CNTN3: variants seen among roughly 807,000 people sequenced by gnomAD.
CNTN3 encodes contactin-3.
Under a neutral mutation model 119.1 loss-of-function variants are expected in CNTN3, and 60 were observed. That is an observed-to-expected ratio of 0.50 (90% confidence interval 0.41 to 0.62). CNTN3 has a LOEUF of 0.62. Among genes scored for constraint, CNTN3 ranks in the 20% least tolerant of loss-of-function variants. The pLI is 0.00. For synonymous variants in CNTN3, 450 were observed against 438.7 expected (o/e 1.03, Z -0.32); for missense variants, 1,101 against 1,242.4 (o/e 0.89, Z 1.71).
chr3:74,476,764 G>A lies in CNTN3; in HGVS notation c.358+9692C>T, dbSNP rs544086398. 2.6e-4 allele frequency among the ~76,000 whole-genome samples: 40 copies of A among 152,074 alleles called. 1 individual carries two copies. Among genetic ancestry groups the A allele is most frequent in the East Asian group, 2.3e-3 (12 of 5,158 alleles). On this transcript the variant is annotated intron_variant, in intron 4 of 22. Transcript: ENST00000263665. ...GAAAAAGAATCAGATAGAATGTCTC[G>A]ACATGGAAAATATATTCATTAAAAT...
intron 1 of CNTN3, among the ~76,000 whole-genome samples, chr3:74,600,610 C>T (rs1007436064): frequency 2.0e-5 from 3 of 151,994 alleles, no homozygotes; most frequent in Non-Finnish European, 4.4e-5. Flanking sequence ...CAGATCCAAC[C>T]CCCCAGTGTG....
At chr3:74,290,782 C>T (rs1353722722) in intron 19 of CNTN3, among the ~76,000 whole-genome samples, 1 of 152,144 alleles carries the variant, frequency 6.6e-6, no homozygotes, top group Non-Finnish European at 1.5e-5. Flanking sequence ...AGCTCTGCCT[C>T]CCTGGTTCAT....
At chr3:74,391,379 CA>C (rs1299641502) in intron 5 of CNTN3, among the ~76,000 whole-genome samples, 1 of 152,102 alleles carries the variant, frequency 6.6e-6, no homozygotes, top group Non-Finnish European at 1.5e-5. Context: ...TTACCAATTA[CA>C]TGACCTTGAG....
chr3:74,353,809 A>C (rs1158135575), intron 11 of CNTN3, among the ~76,000 whole-genome samples: 3 of 152,116 alleles, frequency 2.0e-5, no homozygotes, highest in African/African-American at 7.3e-5. Flanking sequence ...CATAATTTAA[A>C]TACAGTATAA....
intron 1 of CNTN3, among the ~76,000 whole-genome samples, chr3:74,593,445 A>C (rs943747985): frequency 2.0e-5 from 3 of 152,020 alleles, no homozygotes; most frequent in Non-Finnish European, 4.4e-5. Flanking sequence ...AATTTCCAAA[A>C]ATATAAAAAT....
intron 13 of CNTN3, among the ~76,000 whole-genome samples, chr3:74,312,225 G>A (rs944466444): frequency 2.0e-5 from 3 of 151,944 alleles, no homozygotes; most frequent in African/African-American, 4.8e-5. Flanking sequence ...AGGCCGAGGC[G>A]GGCAGATCAC....
intron 1 of CNTN3, among the ~76,000 whole-genome samples, chr3:74,602,707 G>A (rs1433371803): frequency 6.6e-6 from 1 of 152,018 alleles, no homozygotes; most frequent in Non-Finnish European, 1.5e-5. Flanking sequence ...AAGAGAGGTA[G>A]AATACACATA....
intron 13 of CNTN3, among the ~76,000 whole-genome samples, chr3:74,311,308 G>A (rs1441740072): frequency 6.6e-6 from 1 of 151,978 alleles, no homozygotes; most frequent in Non-Finnish European, 1.5e-5. Context: ...TATTGAAAAA[G>A]ATAAAGAAGG....
At chr3:74,312,122 C>A (rs1302887491) in intron 13 of CNTN3, among the ~76,000 whole-genome samples, 1 of 152,002 alleles carries the variant, frequency 6.6e-6, no homozygotes, top group Non-Finnish European at 1.5e-5. Context: ...GGAAAACAGA[C>A]CATTTTGAGA....
rs755229623 is a variant in CNTN3 at position 74,371,225 on chromosome 3, G to C, written c.629C>G (p.Ser210Cys). 6.2e-7 allele frequency: 1 copy of C among 1,613,256 alleles called. No homozygotes were observed. The highest frequency in any genetic ancestry group is 1.1e-5 in the South Asian group (1 of 91,068). ...SMVTNARVLG[S>C]PTPLVLRSDG... ...AGAACGTAGCACCAAAGGAGTTGGA[G>C]AGCCCAGCACTCGGGCATTTGTCAC... Residue 210 changes from serine (S) to cysteine (C), a missense_variant, in exon 6 of 23, where the codon TCT (serine) becomes TGT (cysteine). Ser to Cys is a moderately radical substitution (Grantham distance 112, BLOSUM62 -1). Coordinates refer to ENST00000263665, the MANE Select transcript of CNTN3 (RefSeq NM_020872.3).
chr3:74,286,882 C>T (rs1243309364), intron 19 of CNTN3, among the ~76,000 whole-genome samples: 1 of 152,288 alleles, frequency 6.6e-6, no homozygotes, highest in East Asian at 1.9e-4. Flanking sequence ...TGAGGATGTG[C>T]ACCTGGGACA....
chr3:74,546,472 C>G lies in CNTN3; in HGVS notation c.-80-25280G>C, dbSNP rs542114596. On this transcript the variant is annotated intron_variant, in intron 1 of 22. Coordinates refer to ENST00000263665, the MANE Select transcript of CNTN3 (RefSeq NM_020872.3). ...GACTCACCCTCAATGTGGGTGGGCA[C>G]AATCTAATCAGCTGCCAGCACAGCT... Among the ~76,000 whole-genome samples the G allele has an allele frequency of 1.2e-4, 18 of 152,244 alleles. No individual in the cohort carries two copies. In the South Asian group the frequency reaches 3.5e-3, roughly 30 times the overall value.
intron 13 of CNTN3, among the ~76,000 whole-genome samples, chr3:74,314,321 T>G (rs534030882): frequency 2.8e-4 from 43 of 152,314 alleles, no homozygotes; most frequent in Middle Eastern, 6.8e-3. Context: ...CAATTACTAC[T>G]TGAATATCTA....
intron 8 of CNTN3, 21 bp downstream of exon 8, chr3:74,369,168 T>G (rs779601510): frequency 3.9e-6 from 6 of 1,540,254 alleles, no homozygotes; most frequent in Admixed American, 2.1e-5. Flanking sequence ...AAACTCCAAT[T>G]TGCCCAAAGC....
At chr3:74,325,704 C>G (rs1274862366) in intron 13 of CNTN3, among the ~76,000 whole-genome samples, 1 of 152,070 alleles carries the variant, frequency 6.6e-6, no homozygotes, top group Admixed American at 6.6e-5. Flanking sequence ...ACAAATACCT[C>G]TAAGTAAAGT....
intron 1 of CNTN3, among the ~76,000 whole-genome samples, chr3:74,534,830 A>C (rs1019137898): frequency 2.6e-5 from 4 of 151,880 alleles, no homozygotes; most frequent in Non-Finnish European, 5.9e-5. Flanking sequence ...TTTGCCATTG[A>C]CCATAATGGC....
At chr3:74,446,683 GTTTT>G (rs10669743) in intron 4 of CNTN3, among the ~76,000 whole-genome samples, 1 of 136,968 alleles carries the variant, frequency 7.3e-6, no homozygotes, top group Middle Eastern at 3.4e-3. Context: ...AATTTTACTT[GTTTT>G]TTTTTTTTTT....
At chr3:74,363,506 T>C (rs1460467222) in intron 10 of CNTN3, among the ~76,000 whole-genome samples, 2 of 152,140 alleles carry the variant, frequency 1.3e-5, no homozygotes, top group East Asian at 3.9e-4. Flanking sequence ...GGCAAAATTG[T>C]CCCTGGTTGA....
chr3:74,362,200 GTTA>G (rs1182288901), intron 10 of CNTN3, among the ~76,000 whole-genome samples, 160 bp from the exon 11 acceptor site: 5 of 152,318 alleles, frequency 3.3e-5, no homozygotes, highest in Admixed American at 6.5e-5. Flanking sequence ...GATAATTCAT[GTTA>G]TTATGTTTTC....
Sources: allele counts gnomAD v4.1 joint callset (sites outside exome capture counted in the v4.1 genomes callset), GRCh38; gene constraint gnomAD v4.1.1; transcripts MANE v1.5; gene names NCBI Gene and HGNC (gene_info 2026-07-23, HGNC 2026-07-21).